SLC13A1: variants seen among roughly 807,000 people sequenced by gnomAD.
SLC13A1 encodes Na(+)/sulfate cotransporter.
A neutral mutation model predicts 70.0 loss-of-function variants in SLC13A1; 65 were observed. The ratio of observed to expected loss-of-function variants is 0.93; its 90% confidence interval spans 0.76 to 1.14. SLC13A1 has a LOEUF of 1.14. Among genes scored for constraint, SLC13A1 ranks in the 50% most tolerant of loss-of-function variants. The pLI, the probability that SLC13A1 is intolerant of heterozygous loss-of-function variation, is 0.00. For missense variants in SLC13A1, 726 were observed against 717.8 expected (o/e 1.01, Z -0.13); for synonymous variants, 275 against 250.5 (o/e 1.10, Z -0.92).
At chr7:123,148,473 T>A (rs755737668) in intron 6 of SLC13A1, 2 of 453,362 alleles carry the variant, frequency 4.4e-6, no homozygotes, top group South Asian at 3.1e-5. Flanking sequence ...AAGTGTTTTA[T>A]TTAAGAGATG....
At chr7:123,188,988 G>A (rs1427894616) in intron 1 of SLC13A1, among the ~76,000 whole-genome samples, 2 of 149,444 alleles carry the variant, frequency 1.3e-5, no homozygotes, top group African/African-American at 2.4e-5. Context: ...AGTGGCGGGC[G>A]CCTGTAGTCC....
intron 9 of SLC13A1, 141 bp from the exon 10 acceptor site, chr7:123,129,087 C>T: frequency 1.4e-6 from 1 of 712,808 alleles, no homozygotes; most frequent in South Asian, 1.6e-5. Context: ...TTGAGAGCAT[C>T]AGTGCAGTTT....
chr7:123,181,133 T>G, intron 1 of SLC13A1, 32 bp from the exon 2 acceptor site: 1 of 1,601,942 alleles, frequency 6.2e-7, no homozygotes, highest in Non-Finnish European at 8.5e-7. Context: ...CAAAAGGTGA[T>G]ATTATGAGGC....
In SLC13A1 at chr7:123,125,476, TTC is replaced by T. The variant is rs1049234207; in HGVS notation, c.1240+91_1240+92del. ...GCCAGGGATTGTGCCAGCATAGACT[TTC>T]TTTCTGCTCTAGGTGCCAAGCGAAA... On this transcript the variant is annotated intron_variant, in intron 11 of 14. Transcript: ENST00000194130. The T allele has an allele frequency of 4.9e-4, 433 of 880,810 alleles. 1 individual carries two copies. In the African/African-American group the frequency reaches 6.4e-3, roughly 13 times the overall value. The allele number at this position is 880,810 out of a possible 1,614,324, so 54.6% of individuals were successfully genotyped here.
chr7:123,171,236 C>T (rs1293671926), intron 3 of SLC13A1, among the ~76,000 whole-genome samples: 4 of 152,190 alleles, frequency 2.6e-5, no homozygotes, highest in East Asian at 3.9e-4. Context: ...TGATTTCATA[C>T]TCTGTAGATG....
chr7:123,117,033 A>T (rs2116238309), intron 14 of SLC13A1, among the ~76,000 whole-genome samples: 1 of 152,314 alleles, frequency 6.6e-6, no homozygotes, highest in Admixed American at 6.5e-5. Flanking sequence ...TTCATCAGTG[A>T]GGCACTGACT....
chr7:123,186,412 AG>A (rs1352051284), intron 1 of SLC13A1, among the ~76,000 whole-genome samples: 9 of 152,114 alleles, frequency 5.9e-5, no homozygotes, highest in African/African-American at 2.2e-4. Context: ...TAGAACATAA[AG>A]TAGCTTCATT....
chr7:123,122,170 A>G (rs181238853), intron 12 of SLC13A1, among the ~76,000 whole-genome samples: 1 of 152,202 alleles, frequency 6.6e-6, no homozygotes, highest in African/African-American at 2.4e-5. Flanking sequence ...TGTGCAGAAA[A>G]ATTGTCAATA....
intron 12 of SLC13A1, among the ~76,000 whole-genome samples, chr7:123,122,317 A>G (rs1459766719): frequency 6.6e-6 from 1 of 152,192 alleles, no homozygotes; most frequent in Non-Finnish European, 1.5e-5. Context: ...ATTCTGTTCA[A>G]TTTGATGACT....
rs1793141869 is a variant in SLC13A1, at chr7:123,115,296, A to T, written c.*222T>A. ...TGGTTCATGAGCAAAATCTCAAAAC[A>T]TGGGCTTCTTGATGAAGGCACATAG... On this transcript the variant is annotated 3_prime_UTR_variant, in exon 15 of 15. Transcript: ENST00000194130. 1 of 349,102 alleles carries T rather than the reference A, an allele frequency of 2.9e-6. No homozygotes were observed. Among genetic ancestry groups the T allele is most frequent in the South Asian group, 8.2e-5 (1 of 12,162 alleles). 21.6% of individuals were successfully genotyped at this position (349,102 alleles called of 1,614,324 possible). A position where few individuals can be genotyped will look rare whatever the true frequency, so the allele number is the denominator to read the frequency against.
intron 11 of SLC13A1, among the ~76,000 whole-genome samples, chr7:123,123,746 T>G (rs1050238625): frequency 6.6e-5 from 10 of 152,186 alleles, no homozygotes; most frequent in African/African-American, 2.4e-4. Context: ...TTAAAAATAA[T>G]TCAAGATTCA....
At chr7:123,167,863 C>T (rs6953295) in intron 6 of SLC13A1, among the ~76,000 whole-genome samples, 24,727 of 151,546 alleles carry the variant, frequency 0.16, 2,337 homozygotes, top group Non-Finnish European at 0.2. Flanking sequence ...GAAATGACGA[C>T]GATGCCCCTA....
intron 1 of SLC13A1, chr7:123,186,854 T>C: frequency 2.4e-6 from 1 of 417,482 alleles, no homozygotes; most frequent in South Asian, 1.7e-5. Context: ...TGTGTACTTT[T>C]ATCTTGTTTA....
At chr7:123,162,429 T>C (rs1418166248) in intron 6 of SLC13A1, among the ~76,000 whole-genome samples, 1 of 152,084 alleles carries the variant, frequency 6.6e-6, no homozygotes, top group Non-Finnish European at 1.5e-5. Flanking sequence ...AAAGGGTGTA[T>C]GGTATTCTCC....
chr7:123,167,185 C>T (rs989129218), intron 6 of SLC13A1, among the ~76,000 whole-genome samples: 18 of 152,128 alleles, frequency 1.2e-4, no homozygotes, highest in Non-Finnish European at 5.9e-5. Flanking sequence ...CTAGCCATCC[C>T]ATTACTGGGT....
At chr7:123,118,514 C>T (rs557871717) in intron 13 of SLC13A1, among the ~76,000 whole-genome samples, 1 of 152,238 alleles carries the variant, frequency 6.6e-6, no homozygotes, top group East Asian at 1.9e-4. Context: ...CTTGTAATTG[C>T]TACCTAGATT....
intron 6 of SLC13A1, among the ~76,000 whole-genome samples, chr7:123,150,131 G>A (rs1794503521): frequency 6.6e-6 from 1 of 152,096 alleles, no homozygotes; most frequent in South Asian, 2.1e-4. Context: ...CTACCCTACT[G>A]TGTTTGCATA....
chr7:123,120,791 T>G (rs1457557222), intron 12 of SLC13A1, among the ~76,000 whole-genome samples: 1 of 152,082 alleles, frequency 6.6e-6, no homozygotes, highest in African/African-American at 2.4e-5. Flanking sequence ...TTGACACAAA[T>G]TAATCCTAGA....
intron 7 of SLC13A1, among the ~76,000 whole-genome samples, chr7:123,136,256 G>T (rs1793944789): frequency 6.6e-6 from 1 of 152,122 alleles, no homozygotes; most frequent in South Asian, 2.1e-4. Context: ...ATTTTTGCCT[G>T]GAGGAATAGT....
Sources: gnomAD v4.1 joint callset for allele counts (sites outside exome capture counted in the v4.1 genomes callset) on GRCh38, gnomAD v4.1.1 for gene constraint, MANE v1.5 for transcripts, NCBI Gene and HGNC (gene_info 2026-07-23, HGNC 2026-07-21) for gene names.